SAMD5: variants seen among roughly 807,000 people sequenced by gnomAD.
SAMD5 encodes sterile alpha motif domain-containing protein 5.
In SAMD5, 13 loss-of-function variants were observed where a neutral mutation model predicts 11.3. The observed-to-expected ratio is 1.15, with a 90% CI of 0.75 to 1.83. The LOEUF is 1.83. Ranked by LOEUF, SAMD5 falls within the 40% of genes most tolerant of loss-of-function variation. The pLI is 0.00. For synonymous variants in SAMD5, 129 were observed against 111.3 expected (o/e 1.16, Z -1.00); for missense variants, 255 against 239.1 (o/e 1.07, Z -0.44).
intron 1 of SAMD5, among the ~76,000 whole-genome samples, chr6:147,695,385 T>C (rs1297969801): frequency 1.3e-5 from 2 of 152,180 alleles, no homozygotes; most frequent in Non-Finnish European, 2.9e-5. Context: ...CGTGCATATG[T>C]GTTTAAATTA....
chr6:147,748,749 C>T, the SAMD5 span, among the ~76,000 whole-genome samples: 1 of 152,086 alleles, frequency 6.6e-6, no homozygotes, highest in Non-Finnish European at 1.5e-5. Flanking sequence ...GAAATGAAGT[C>T]CATTGCATTG....
At chr6:147,614,516 T>C (rs1036291662) in intron 1 of SAMD5, among the ~76,000 whole-genome samples, 2 of 151,156 alleles carry the variant, frequency 1.3e-5, no homozygotes, top group Non-Finnish European at 1.5e-5. Flanking sequence ...GATTGATACA[T>C]GCAACAACGT....
chr6:147,518,333 G>C (rs1788203500), intron 1 of SAMD5, among the ~76,000 whole-genome samples: 1 of 152,104 alleles, frequency 6.6e-6, no homozygotes, highest in South Asian at 2.1e-4. Flanking sequence ...TGAATAAAAA[G>C]GTGCTAAAGG....
At chr6:147,829,336 G>A in the SAMD5 span, among the ~76,000 whole-genome samples, 1 of 152,124 alleles carries the variant, frequency 6.6e-6, no homozygotes, top group Non-Finnish European at 1.5e-5. Context: ...TCTGCCCCCT[G>A]GATAGAGGGT....
intron 1 of SAMD5, among the ~76,000 whole-genome samples, chr6:147,534,554 G>C (rs1360370766): frequency 6.6e-6 from 1 of 152,162 alleles, no homozygotes; most frequent in East Asian, 1.9e-4. Flanking sequence ...GAGCATTCAG[G>C]GAGCAGAGTT....
intron 1 of SAMD5, among the ~76,000 whole-genome samples, chr6:147,521,915 A>C (rs1788260998): frequency 6.6e-6 from 1 of 151,982 alleles, no homozygotes; most frequent in Non-Finnish European, 1.5e-5. Flanking sequence ...TCAATTTGTC[A>C]TTTGCCTTTT....
chr6:147,706,803 C>G (rs906757445), intron 1 of SAMD5, among the ~76,000 whole-genome samples: 2 of 152,276 alleles, frequency 1.3e-5, no homozygotes, highest in South Asian at 2.1e-4. Context: ...AAAATAGAAG[C>G]TAAAATTAAT....
At chr6:147,948,649 G>A in the SAMD5 span, among the ~76,000 whole-genome samples, 62 of 152,250 alleles carry the variant, frequency 4.1e-4, 3 homozygotes, top group South Asian at 0.012. Context: ...ATCTATATCT[G>A]TATAGTTAGG....
At chr6:147,587,551 T>C (rs980550883) in intron 1 of SAMD5, among the ~76,000 whole-genome samples, 4 of 152,166 alleles carry the variant, frequency 2.6e-5, no homozygotes, top group Non-Finnish European at 5.9e-5. Flanking sequence ...TCAATGACTA[T>C]TGATGCTGTT....
At position 147,684,344 on chromosome 6, in the gene SAMD5, C is replaced by T. The variant is rs1253115734; in HGVS notation, c.163-52973C>T. Among the ~76,000 whole-genome samples the T allele has an allele frequency of 2.0e-5, 3 of 151,638 alleles. 1 individual carries two copies. Among genetic ancestry groups the T allele is most frequent in the African/African-American group, 7.3e-5 (3 of 41,154 alleles). On this transcript the variant is annotated intron_variant, in intron 1 of 1. Coordinates refer to the SAMD5 transcript ENST00000566741. ...TGTGAATAGACTATGGTTTTTATAT[C>T]CATTCTACTGTTGATAGTCATTTGT...
chr6:147,594,482 AG>A (rs1462746692), intron 1 of SAMD5, among the ~76,000 whole-genome samples: 3 of 152,180 alleles, frequency 2.0e-5, no homozygotes, highest in African/African-American at 7.2e-5. Flanking sequence ...ATTGAGACCG[AG>A]TTTGTTCTAC....
At chr6:147,549,255 G>C (rs1216172361) in intron 1 of SAMD5, among the ~76,000 whole-genome samples, 1 of 152,188 alleles carries the variant, frequency 6.6e-6, no homozygotes, top group African/African-American at 2.4e-5. Context: ...AGCCACGGTT[G>C]AGCAAACAGC....
the SAMD5 span, among the ~76,000 whole-genome samples, chr6:147,844,453 T>C: frequency 6.6e-6 from 1 of 151,976 alleles, no homozygotes; most frequent in South Asian, 2.1e-4. Flanking sequence ...AAACTGAAAA[T>C]AGAACTACCT....
chr6:147,797,860 G>A, the SAMD5 span, among the ~76,000 whole-genome samples: 3 of 151,082 alleles, frequency 2.0e-5, no homozygotes, highest in East Asian at 5.9e-4. Context: ...TTGCGTAGAG[G>A]TTTTGTAGTA....
the SAMD5 span, among the ~76,000 whole-genome samples, chr6:147,912,895 CA>C: frequency 5.1e-3 from 622 of 121,896 alleles, 4 homozygotes; most frequent in African/African-American, 0.014. Flanking sequence ...GCTTATTTTA[CA>C]AAAAAAAAAA....
chr6:147,803,428 G>T, the SAMD5 span, among the ~76,000 whole-genome samples: 5 of 152,114 alleles, frequency 3.3e-5, no homozygotes, highest in South Asian at 2.1e-4. Flanking sequence ...CCTCTAGTCA[G>T]TTCTTTCATC....
the SAMD5 span, among the ~76,000 whole-genome samples, chr6:147,886,764 G>A: frequency 6.6e-6 from 1 of 152,162 alleles, no homozygotes; most frequent in Non-Finnish European, 1.5e-5. Flanking sequence ...GGCGACTACT[G>A]GTAATTGGAA....
downstream of SAMD5, among the ~76,000 whole-genome samples, chr6:147,739,755 CATTA>C (rs1791852634): frequency 6.6e-6 from 1 of 152,092 alleles, no homozygotes; most frequent in Non-Finnish European, 1.5e-5. Flanking sequence ...TTGTTATTCA[CATTA>C]ATTAGATACA....
chr6:147,937,708 G>A, the SAMD5 span, among the ~76,000 whole-genome samples: 169 of 152,126 alleles, frequency 1.1e-3, no homozygotes, highest in African/African-American at 3.9e-3. Flanking sequence ...ATAACCAGAG[G>A]GTTAAAACTA....
Sources: gnomAD v4.1 joint callset for allele counts (sites outside exome capture counted in the v4.1 genomes callset) on GRCh38, gnomAD v4.1.1 for gene constraint, MANE v1.5 for transcripts, NCBI Gene and HGNC (gene_info 2026-07-23, HGNC 2026-07-21) for gene names.